The following LY75 variants were observed in gnomAD, a reference collection of about 807,000 sequenced individuals.
The protein encoded by LY75 is C-type lectin domain family 13 member B.
Under a neutral mutation model 231.7 loss-of-function variants are expected in LY75, and 185 were observed. The observed-to-expected ratio is 0.80, with a 90% CI of 0.71 to 0.90. The LOEUF is 0.90. Among genes scored for constraint, LY75 ranks in the 40% least tolerant of loss-of-function variants. The pLI is 0.00. For missense variants in LY75, 1,947 were observed against 2,050.2 expected, an observed-to-expected ratio of 0.95 and a Z score of 0.97; for synonymous variants, 668 against 689.0, an observed-to-expected ratio of 0.97 and a Z score of 0.48.
intron 6 of LY75, among the ~76,000 whole-genome samples, chr2:159,883,144 G>C (rs1685486298): frequency 7.5e-6 from 1 of 132,914 alleles, no homozygotes; most frequent in Admixed American, 7.7e-5. Flanking sequence ...GGGAGGGGGA[G>C]GGGGGAGGGA....
intron 1 of LY75, among the ~76,000 whole-genome samples, chr2:159,903,934 G>A (rs956051731): frequency 1.3e-5 from 2 of 152,370 alleles, no homozygotes; most frequent in East Asian, 3.9e-4. Context: ...CCTTCACCGT[G>A]AGGCTGTCAG....
chr2:159,854,675 G>A (rs1684497745), intron 17 of LY75, 140 bp from the exon 18 acceptor site: 4 of 1,190,026 alleles, frequency 3.4e-6, no homozygotes, highest in Non-Finnish European at 3.5e-6. Flanking sequence ...TGACTACAAG[G>A]AACAAGAGAT....
At chr2:159,863,748 C>T (rs1684780039) in intron 14 of LY75, among the ~76,000 whole-genome samples, 1 of 152,158 alleles carries the variant, frequency 6.6e-6, no homozygotes, top group Admixed American at 6.5e-5. Flanking sequence ...TTCCTGCCTC[C>T]ATATGCTTGT....
At chr2:159,857,512 C>T (rs1165671899) in intron 16 of LY75, among the ~76,000 whole-genome samples, 2 of 152,208 alleles carry the variant, frequency 1.3e-5, no homozygotes, top group African/African-American at 2.4e-5. Context: ...GAGGCTGAGG[C>T]GGGCCAATCA....
At chr2:159,820,983 T>A (rs1280527591) in intron 28 of LY75, among the ~76,000 whole-genome samples, 3 of 152,140 alleles carry the variant, frequency 2.0e-5, no homozygotes, top group Non-Finnish European at 4.4e-5. Flanking sequence ...GGATTACAGG[T>A]GCCCACCACC....
intron 29 of LY75, among the ~76,000 whole-genome samples, chr2:159,818,700 A>T (rs1683195882): frequency 6.6e-6 from 1 of 152,226 alleles, no homozygotes; most frequent in African/African-American, 2.4e-5. Flanking sequence ...TGCCAACAGT[A>T]GGGGAAATTG....
intron 15 of LY75, among the ~76,000 whole-genome samples, chr2:159,859,453 C>CG: frequency 6.6e-6 from 1 of 152,118 alleles, no homozygotes; most frequent in Non-Finnish European, 1.5e-5. Flanking sequence ...TATATATTGG[C>CG]AGTTCCTCCA....
At chr2:159,899,634 A>C (rs1377303306) in intron 1 of LY75, among the ~76,000 whole-genome samples, 2 of 152,214 alleles carry the variant, frequency 1.3e-5, no homozygotes, top group African/African-American at 4.8e-5. Context: ...GTACATAGTG[A>C]GGCCTCTGTG....
At chr2:159,854,963 G>A (rs1318737302) in intron 16 of LY75, 24 bp from the exon 17 acceptor site, 1 of 1,613,310 alleles carries the variant, frequency 6.2e-7, no homozygotes, top group African/African-American at 1.3e-5. Flanking sequence ...AAAGCAAGTG[G>A]CATTAGTATT....
intron 14 of LY75, among the ~76,000 whole-genome samples, chr2:159,861,268 G>T (rs1249571398): frequency 6.6e-6 from 1 of 152,072 alleles, no homozygotes; most frequent in Non-Finnish European, 1.5e-5. Flanking sequence ...TTTACATTTA[G>T]AAAGAATAAA....
At chr2:159,885,421 A>AT in intron 5 of LY75, 128 bp from the exon 6 acceptor site, 4 of 1,221,770 alleles carry the variant, frequency 3.3e-6, no homozygotes, top group South Asian at 1.8e-5. Flanking sequence ...AAACTTAACT[A>AT]AATTGAAACG....
intron 12 of LY75, 75 bp from the exon 13 acceptor site, chr2:159,872,668 T>C: frequency 6.6e-7 from 1 of 1,522,158 alleles, no homozygotes; most frequent in Non-Finnish European, 8.9e-7. Flanking sequence ...TCAATTACTG[T>C]CACATGTGTG....
chr2:159,853,122 T>C (rs538914164), intron 20 of LY75, 151 bp downstream of exon 20: 3 of 748,180 alleles, frequency 4.0e-6, no homozygotes, highest in Admixed American at 6.0e-5. Flanking sequence ...TTATTTGCAT[T>C]GGGAATTTGA....
chr2:159,839,449 T>G (rs1346115161), intron 25 of LY75, among the ~76,000 whole-genome samples: 2 of 152,222 alleles, frequency 1.3e-5, no homozygotes, highest in African/African-American at 4.8e-5. Flanking sequence ...ACTAGCATTC[T>G]TTGTTGGGCT....
intron 31 of LY75, among the ~76,000 whole-genome samples, chr2:159,813,159 T>C (rs1683013705): frequency 6.6e-6 from 1 of 152,200 alleles, no homozygotes. Flanking sequence ...CTGCTTTCAG[T>C]TGTTTTGAGT....
At chr2:159,866,621 G>C (rs1024234109) in intron 13 of LY75, among the ~76,000 whole-genome samples, 22 of 152,132 alleles carry the variant, frequency 1.4e-4, no homozygotes, top group African/African-American at 5.3e-4. Flanking sequence ...CTGCCCGAGT[G>C]CTGGATTTCT....
chr2:159,827,653 G>A (rs1319396583), intron 28 of LY75, among the ~76,000 whole-genome samples: 1 of 152,166 alleles, frequency 6.6e-6, no homozygotes, highest in Non-Finnish European at 1.5e-5. Flanking sequence ...AAAGATGTAT[G>A]CACACGTATG....
chr2:159,864,617 G>A (rs1684805091), intron 14 of LY75, among the ~76,000 whole-genome samples: 1 of 152,106 alleles, frequency 6.6e-6, no homozygotes, highest in Non-Finnish European at 1.5e-5. Context: ...TTTTATGCCA[G>A]TACCATGCTG....
At chr2:159,876,838 T>G (rs1373101373) in intron 11 of LY75, among the ~76,000 whole-genome samples, 4 of 151,420 alleles carry the variant, frequency 2.6e-5, no homozygotes, top group Non-Finnish European at 1.5e-5. Context: ...AAACTCCGTC[T>G]CTACTAAAAA....
Sources: allele counts gnomAD v4.1 joint callset (sites outside exome capture counted in the v4.1 genomes callset), GRCh38; gene constraint gnomAD v4.1.1; transcripts MANE v1.5; gene names NCBI Gene and HGNC (gene_info 2026-07-23, HGNC 2026-07-21).